EBF2: variants seen among roughly 807,000 people sequenced by gnomAD.
EBF2 encodes EBF transcription factor 2.
Under a neutral mutation model 72.8 loss-of-function variants are expected in EBF2, and 21 were observed. That is an observed-to-expected ratio of 0.29 (90% confidence interval 0.20 to 0.42). EBF2 has a LOEUF of 0.42. EBF2 is among the 10% of genes least tolerant of loss of function. The probability of loss-of-function intolerance (pLI) is 1.00; values close to 1 mark genes in which losing one functional copy is unlikely to be tolerated. For missense variants in EBF2, 637 were observed against 731.2 expected (o/e 0.87, Z 1.49); for synonymous variants, 299 against 274.2 (o/e 1.09, Z -0.89).
At chr8:25,950,573 G>C (rs530785885) in intron 6 of EBF2, among the ~76,000 whole-genome samples, 1 of 152,334 alleles carries the variant, frequency 6.6e-6, no homozygotes, top group African/African-American at 2.4e-5. Context: ...AACCATTGCT[G>C]CACCTAAGTG....
At chr8:25,981,331 G>A (rs1168745102) in intron 6 of EBF2, among the ~76,000 whole-genome samples, 2 of 151,988 alleles carry the variant, frequency 1.3e-5, no homozygotes, top group Non-Finnish European at 2.9e-5. Flanking sequence ...TCAAGAGTAC[G>A]AAGTCGATGC....
intron 7 of EBF2, among the ~76,000 whole-genome samples, chr8:25,896,722 T>C (rs574395301): frequency 6.6e-6 from 1 of 152,316 alleles, no homozygotes; most frequent in South Asian, 2.1e-4. Context: ...CAAGCTGCAG[T>C]TCCATATTGC....
chr8:25,960,159 T>C lies in EBF2; in HGVS notation c.552-51604A>G, dbSNP rs577527336. 2.3e-3 allele frequency among the ~76,000 whole-genome samples: 346 copies of C among 152,326 alleles called. 3 individuals are homozygous for C. Among genetic ancestry groups the C allele is most frequent in the African/African-American group, 8.0e-3 (331 of 41,582 alleles). ...TTGTTACTCCAGTTTTAGGGATCTC[T>C]GAGTCAGGATAGGCAGACTCCACCC... On this transcript the variant is annotated intron_variant, in intron 6 of 15. Coordinates refer to ENST00000520164, the MANE Select transcript of EBF2 (RefSeq NM_022659.4).
chr8:25,932,226 A>T (rs951508296), intron 6 of EBF2, among the ~76,000 whole-genome samples: 2 of 152,114 alleles, frequency 1.3e-5, no homozygotes, highest in African/African-American at 4.8e-5. Context: ...TTCCTCATTT[A>T]TAAAAATGAG....
intron 14 of EBF2, among the ~76,000 whole-genome samples, chr8:25,851,630 C>A (rs1169224439): frequency 1.3e-5 from 2 of 152,128 alleles, no homozygotes; most frequent in African/African-American, 4.8e-5. Context: ...TTAAATATAG[C>A]ACCTTATAGT....
intron 6 of EBF2, among the ~76,000 whole-genome samples, chr8:25,996,273 G>A (rs1476876859): frequency 3.4e-5 from 5 of 145,134 alleles, no homozygotes; most frequent in East Asian, 2.0e-4. Flanking sequence ...CTAAGCCTGG[G>A]CAACAGAGTG....
intron 6 of EBF2, among the ~76,000 whole-genome samples, chr8:25,933,122 G>T (rs926295938): frequency 6.6e-5 from 10 of 152,124 alleles, no homozygotes; most frequent in Admixed American, 6.5e-4. Flanking sequence ...ATGCTGGAGC[G>T]TTCGCGTGTC....
chr8:26,016,991 C>T (rs1010925628), intron 6 of EBF2, among the ~76,000 whole-genome samples: 1 of 151,984 alleles, frequency 6.6e-6, no homozygotes, highest in Non-Finnish European at 1.5e-5. Flanking sequence ...AATGAGAGAA[C>T]CAGATGTCTA....
intron 6 of EBF2, among the ~76,000 whole-genome samples, chr8:25,971,663 GA>G (rs552011935): frequency 4.7e-5 from 7 of 149,578 alleles, no homozygotes; most frequent in African/African-American, 7.4e-5. Context: ...TCACAGGGAA[GA>G]AAAAAAAACA....
At position 26,040,753 on chromosome 8, in the gene EBF2, G is replaced by A. The variant is rs1805586210; in HGVS notation, c.353-82C>T. ...AAACCCTTCTCTGCCATGGGTCTGAGGCCCAAGCAGCCTCTCCATGCTGAG... is the reference window on the plus strand; with the variant it reads ...AAACCCTTCTCTGCCATGGGTCTGAAGCCCAAGCAGCCTCTCCATGCTGAG... On this transcript the variant is annotated intron_variant, in intron 3 of 15. Coordinates refer to ENST00000520164, the MANE Select transcript of EBF2 (RefSeq NM_022659.4). The A allele has an allele frequency of 2.6e-6, 4 of 1,516,664 alleles. No individual in the cohort carries two copies. In the Admixed American group the frequency reaches 6.2e-5, roughly 23 times the overall value. The allele number at this position is 1,516,664 out of a possible 1,614,324, so 94.0% of individuals were successfully genotyped here. A position where few individuals can be genotyped will look rare whatever the true frequency, so the allele number is the denominator to read the frequency against.
intron 6 of EBF2, among the ~76,000 whole-genome samples, chr8:25,920,972 A>G (rs1318457936): frequency 2.0e-5 from 3 of 152,158 alleles, no homozygotes; most frequent in African/African-American, 7.2e-5. Context: ...AGAGAAACCG[A>G]GATGGTAATT....
chr8:25,915,272 C>T (rs886358552), intron 6 of EBF2, among the ~76,000 whole-genome samples: 1 of 151,418 alleles, frequency 6.6e-6, no homozygotes, highest in African/African-American at 2.4e-5. Context: ...GGGAGCTTGG[C>T]CAAGCTTTGG....
chr8:26,037,728 C>T lies in EBF2; in HGVS notation c.482+2300G>A, dbSNP rs539168804. The stretch of plus-strand genomic sequence containing the variant: ...TTGAGGGCTCAGGGGTGGCTGGCAG[C>T]GACATAACAACTAGATTTCTCCTTG... On this transcript the variant is annotated intron_variant, in intron 5 of 15. Transcript: ENST00000520164. Among the ~76,000 whole-genome samples, 15 of 151,978 alleles carry T rather than the reference C, an allele frequency of 9.9e-5. No homozygotes were observed. The Middle Eastern group carries it at 0.017, about 172-fold the overall frequency.
chr8:26,000,695 G>A (rs79843381), intron 6 of EBF2, among the ~76,000 whole-genome samples: 1,667 of 152,258 alleles, frequency 0.011, 21 homozygotes, highest in South Asian at 0.028. Flanking sequence ...AAGGGATAAC[G>A]CATTAGTTAA....
intron 5 of EBF2, among the ~76,000 whole-genome samples, chr8:26,033,591 C>T (rs1002990241): frequency 3.9e-5 from 6 of 152,042 alleles, no homozygotes; most frequent in East Asian, 3.9e-4. Flanking sequence ...GGGGCCTGTC[C>T]GAGGGGTGGT....
At chr8:26,023,116 A>G (rs1312840852) in intron 6 of EBF2, among the ~76,000 whole-genome samples, 2 of 152,146 alleles carry the variant, frequency 1.3e-5, no homozygotes, top group Non-Finnish European at 2.9e-5. Flanking sequence ...TGGGTCAAAA[A>G]TGGGCCCAAA....
At chr8:25,934,932 G>A (rs1179105952) in intron 6 of EBF2, among the ~76,000 whole-genome samples, 2 of 152,158 alleles carry the variant, frequency 1.3e-5, no homozygotes, top group South Asian at 2.1e-4. Flanking sequence ...CAGGGACTGC[G>A]AACTGCCGCA....
At chr8:26,039,418 T>G (rs575544099) in intron 5 of EBF2, among the ~76,000 whole-genome samples, 2 of 152,196 alleles carry the variant, frequency 1.3e-5, no homozygotes, top group East Asian at 3.9e-4. Flanking sequence ...TCCCTGCCCC[T>G]CCTAACGCTG....
chr8:25,875,261 C>A (rs1403332520), intron 10 of EBF2, among the ~76,000 whole-genome samples: 1 of 152,172 alleles, frequency 6.6e-6, no homozygotes, highest in East Asian at 1.9e-4. Flanking sequence ...GTGAATTGTG[C>A]TTGTGCTTTT....
Sources: gnomAD v4.1 joint callset for allele counts (sites outside exome capture counted in the v4.1 genomes callset) on GRCh38, gnomAD v4.1.1 for gene constraint, MANE v1.5 for transcripts, NCBI Gene and HGNC (gene_info 2026-07-23, HGNC 2026-07-21) for gene names.